The following UTRN variants were observed in gnomAD, a reference collection of about 807,000 sequenced individuals.
The protein encoded by UTRN is dystrophin-related protein 1.
Under a neutral mutation model 463.9 loss-of-function variants are expected in UTRN, and 283 were observed. The observed-to-expected ratio is 0.61, with a 90% confidence interval of 0.55 to 0.67. UTRN has a LOEUF of 0.67. Ranked by LOEUF, UTRN falls within the 30% of genes least tolerant of loss-of-function variation. The pLI is 0.00. For synonymous variants in UTRN, 1,442 were observed against 1,431.5 expected, an observed-to-expected ratio of 1.01 and a Z score of -0.17; for missense variants, 3,922 against 4,084.3, an observed-to-expected ratio of 0.96 and a Z score of 1.08.
chr6:144,448,635 G>C lies in UTRN; in HGVS notation c.1938G>C (p.Gln646His). Reference protein sequence around the residue: ...TQAVAKLGMSQIPQKDLLETV... With the variant: ...TQAVAKLGMSHIPQKDLLETV... Reference sequence around the variant, plus strand: ...CTGTAGCAAAGCTGGGGATGTCTCAGATTCCTCAGAAGGACCTTTTGGAGA... The same window carrying C: ...CTGTAGCAAAGCTGGGGATGTCTCACATTCCTCAGAAGGACCTTTTGGAGA... The change falls in exon 17 of 75, where the codon CAG (glutamine) becomes CAC (histidine). Residue 646 changes from glutamine to histidine, a missense_variant. Transcript: ENST00000367545. The C allele has an allele frequency of 6.2e-7, 1 of 1,613,998 alleles. No homozygotes were observed. The highest frequency in any genetic ancestry group is 8.5e-7 in the Non-Finnish European group (1 of 1,179,914).
At position 144,437,657 on chromosome 6, in the gene UTRN, C is replaced by T. The variant is rs776806570; in HGVS notation, c.1152C>T (p.Asp384=). 72 of 1,613,954 alleles carry T rather than the reference C, an allele frequency of 4.5e-5. No homozygotes were observed. The highest frequency in any genetic ancestry group is 5.2e-5 in the Non-Finnish European group (61 of 1,180,014). ...TGATAACACAAGGAACTCTGTCAGA[C>T]GAAGAAGAATTTGAGATTCAGGAAC... ...NQLITQGTLS[D]EEEFEIQEQM... Residue 384 remains aspartate (D), a synonymous_variant, in exon 11 of 75, where the codon GAC becomes GAT. Coordinates refer to ENST00000367545, the MANE Select transcript of UTRN (RefSeq NM_007124.3).
At position 144,291,693 on chromosome 6, in the gene UTRN, A is replaced by G. The variant is rs540894788; in HGVS notation, c.-92-44A>G. 6.7e-6 allele frequency: 4 copies of G among 601,116 alleles called. No homozygotes were observed. The African/African-American group carries it at 7.6e-5, about 11-fold the overall frequency. 37.2% of individuals were successfully genotyped at this position (601,116 alleles called of 1,614,324 possible). On this transcript the variant is annotated intron_variant, in intron 1 of 74. Coordinates refer to ENST00000367545, the MANE Select transcript of UTRN (RefSeq NM_007124.3). ...TACTACGAATAACTATATAAAATAT[A>G]TAAATACATTTTTTCAAGTCAGTAC...
At position 144,447,801 on chromosome 6, in the gene UTRN, A is replaced by G. The variant is rs773268492; in HGVS notation, c.1902+20A>G. 2 of 1,594,166 alleles carry G rather than the reference A, an allele frequency of 1.3e-6. No individual in the cohort carries two copies. Among genetic ancestry groups the G allele is most frequent in the African/African-American group, 1.3e-5 (1 of 74,200 alleles). On this transcript the variant is annotated intron_variant, in intron 16 of 74. Transcript: ENST00000367545. ...AACCAGGTACTTTTTGATTTGGATC[A>G]TATGTTGTGCCATGAAGTAAACATT...
intron 51 of UTRN, among the ~76,000 whole-genome samples, chr6:144,603,078 T>A (rs886304198): frequency 3.9e-5 from 6 of 152,170 alleles, no homozygotes; most frequent in African/African-American, 1.4e-4. Flanking sequence ...ATTCCTTTTG[T>A]TTTTATGAAT....
intron 50 of UTRN, among the ~76,000 whole-genome samples, chr6:144,568,864 T>A (rs1242127010): frequency 5.9e-5 from 9 of 152,112 alleles, no homozygotes; most frequent in Non-Finnish European, 1.0e-4. Flanking sequence ...TTGAAATGAT[T>A]TACCCCAAGC....
intron 12 of UTRN, among the ~76,000 whole-genome samples, chr6:144,439,162 C>T (rs568288978): frequency 1.3e-5 from 2 of 152,240 alleles, no homozygotes; most frequent in African/African-American, 4.8e-5. Flanking sequence ...GTTCTTTTGG[C>T]CCTCTAAGTG....
chr6:144,647,073 C>CA lies in UTRN; in HGVS notation c.7480-31327dup, dbSNP rs200281910. Among the ~76,000 whole-genome samples the CA allele has an allele frequency of 8.2e-4, 125 of 152,206 alleles. 2 individuals carry two copies. In the East Asian group the frequency reaches 0.02, roughly 24 times the overall value. On this transcript the variant is annotated intron_variant, in intron 51 of 74. Coordinates refer to ENST00000367545, the MANE Select transcript of UTRN (RefSeq NM_007124.3). ...TAGGAGTAAAAGCAAAATCTTATTA[C>CA]AAAAAACACACTCTGGAAAGAAAGA...
intron 59 of UTRN, among the ~76,000 whole-genome samples, chr6:144,772,947 A>T (rs1794247711): frequency 6.6e-6 from 1 of 151,102 alleles, no homozygotes; most frequent in Non-Finnish European, 1.5e-5. Flanking sequence ...CCCCTTTTTT[A>T]ATCTCTTTAA....
At chr6:144,350,398 A>G (rs1016906301) in intron 2 of UTRN, among the ~76,000 whole-genome samples, 16 of 152,126 alleles carry the variant, frequency 1.1e-4, no homozygotes, top group Non-Finnish European at 5.9e-5. Context: ...GTATGCCTCT[A>G]TGGGTGAGCA....
At chr6:144,727,101 C>T (rs1193831168) in intron 53 of UTRN, among the ~76,000 whole-genome samples, 1 of 152,156 alleles carries the variant, frequency 6.6e-6, no homozygotes, top group African/African-American at 2.4e-5. Context: ...ATATTGTCTT[C>T]TTTCTCCAAC....
rs780606289 is a variant in UTRN at position 144,839,263 on chromosome 6, G to C, written c.10156G>C (p.Gly3386Arg). 5 of 1,613,584 alleles carry C rather than the reference G, an allele frequency of 3.1e-6. No homozygotes were observed. The South Asian group carries it at 5.5e-5, about 18-fold the overall frequency. ...LSYSLDPDAS[G>R]PQFHQAAGED... is the part of the protein sequence containing the mutation. ...CTACTCGCTTGATCCAGATGCCTCC[G>C]GCCCACAGTTCCACCAGGCAGGTCG... The change falls in exon 72 of 75, where the codon GGC becomes CGC. Residue 3386 changes from glycine to arginine, a missense_variant. Physicochemically the swap from Gly to Arg is moderately radical, Grantham distance 125. Transcript: ENST00000367545.
intron 50 of UTRN, among the ~76,000 whole-genome samples, chr6:144,563,692 T>C (rs1800134088): frequency 6.6e-6 from 1 of 152,186 alleles, no homozygotes; most frequent in Non-Finnish European, 1.5e-5. Flanking sequence ...TTGCTAGGAT[T>C]TGATTTTTAG....
intron 51 of UTRN, among the ~76,000 whole-genome samples, chr6:144,639,735 GA>G (rs1777570934): frequency 6.6e-6 from 1 of 150,710 alleles, no homozygotes; most frequent in South Asian, 2.1e-4. Context: ...TTTGAATCAT[GA>G]AGCTGTATAA....
At chr6:144,786,682 G>A (rs2128741206) in intron 61 of UTRN, among the ~76,000 whole-genome samples, 1 of 152,176 alleles carries the variant, frequency 6.6e-6, no homozygotes, top group East Asian at 1.9e-4. Flanking sequence ...GACTGTCATG[G>A]CATGACATAC....
intron 46 of UTRN, among the ~76,000 whole-genome samples, 189 bp from the exon 47 acceptor site, chr6:144,548,451 A>G (rs1229785430): frequency 6.6e-6 from 1 of 152,184 alleles, no homozygotes; most frequent in Non-Finnish European, 1.5e-5. Context: ...TGTTGGCTTG[A>G]TAGCTACCAA....
chr6:144,705,377 A>C (rs978201926), intron 53 of UTRN, among the ~76,000 whole-genome samples: 1 of 152,220 alleles, frequency 6.6e-6, no homozygotes, highest in Admixed American at 6.5e-5. Context: ...TGCAGTAACA[A>C]AATACTATAA....
chr6:144,586,394 C>T (rs1802467356), intron 51 of UTRN, among the ~76,000 whole-genome samples: 2 of 152,050 alleles, frequency 1.3e-5, no homozygotes, highest in Admixed American at 1.3e-4. Flanking sequence ...TAATTAGCAG[C>T]ATTGAAATTG....
chr6:144,799,753 C>T (rs964750346), intron 64 of UTRN, among the ~76,000 whole-genome samples: 1 of 152,170 alleles, frequency 6.6e-6, no homozygotes, highest in African/African-American at 2.4e-5. Flanking sequence ...CTACTTTACA[C>T]ATAAAGGAAC....
In UTRN at chr6:144,840,765, G is replaced by A. The variant is rs763917902; in HGVS notation, c.10203G>A (p.Pro3401=). Residue 3401 remains proline, a synonymous_variant, in exon 73 of 75, where the codon CCG becomes CCA. Transcript: ENST00000367545. The part of the protein sequence containing the change: ...QAAGEDLLAP[P]HDTSTDLTEV... ...CGGGAGAGGACCTGCTGGCCCCACC[G>A]CACGACACCAGCACGGATCTCACGG... 38 of 1,613,822 alleles carry A rather than the reference G, an allele frequency of 2.4e-5. No homozygotes were observed. Among genetic ancestry groups the A allele is most frequent in the East Asian group, 8.9e-5 (4 of 44,876 alleles).
Sources: gnomAD v4.1 joint callset for allele counts (sites outside exome capture counted in the v4.1 genomes callset) on GRCh38, gnomAD v4.1.1 for gene constraint, MANE v1.5 for transcripts, NCBI Gene and HGNC (gene_info 2026-07-23, HGNC 2026-07-21) for gene names.